FRY: variants seen among roughly 807,000 people sequenced by gnomAD.
The protein encoded by FRY is protein furry homolog.
FRY carries 128 observed loss-of-function variants against 348.4 expected under a neutral mutation model. The ratio of observed to expected loss-of-function variants is 0.37; its 90% CI spans 0.32 to 0.43. The LOEUF is 0.43. Among genes scored for constraint, FRY ranks in the 20% least tolerant of loss-of-function variants. The pLI, the probability that FRY is intolerant of heterozygous loss-of-function variation, is 1.00. For missense variants in FRY, 2,736 were observed against 3,695.2 expected (o/e 0.74, Z 6.73); for synonymous variants, 1,370 against 1,374.7 (o/e 1.00, Z 0.08).
chr13:32,161,227 T>C lies in FRY; in HGVS notation c.1868T>C (p.Leu623Pro). ...CTGCTTCCTGATGGGATGTCAAAAC[T>C]TGAACTTATTGACTTACTGGCTAGG... Reference protein sequence around the residue: ...PRLLPDGMSKLELIDLLARLS... With the variant: ...PRLLPDGMSKPELIDLLARLS... The change falls in exon 17 of 61, where the codon CTT becomes CCT. Residue 623 changes from leucine to proline, a missense_variant. Transcript: ENST00000542859. 6.2e-7 allele frequency: 1 copy of C among 1,607,974 alleles called. No homozygotes were observed. Among genetic ancestry groups the C allele is most frequent in the South Asian group, 1.1e-5 (1 of 90,968 alleles).
In FRY at chr13:32,267,303, G is replaced by C; in HGVS notation, c.8080G>C (p.Asp2694His). The C allele has an allele frequency of 6.2e-7, 1 of 1,614,182 alleles. No homozygotes were observed. Among genetic ancestry groups the C allele is most frequent in the Non-Finnish European group, 8.5e-7 (1 of 1,180,036 alleles). ...WRSHINQLMC[D>H]SDGSCAVYTF... ...CAGCCACATCAACCAGCTTATGTGTGACTCAGATGGCTCCTGTGCTGTGTA... is the reference window on the plus strand; with the variant it reads ...CAGCCACATCAACCAGCTTATGTGTCACTCAGATGGCTCCTGTGCTGTGTA... Residue 2694 changes from aspartate (D) to histidine (H), a missense_variant, in exon 55 of 61, where the codon GAC (aspartate) becomes CAC (histidine). Transcript: ENST00000542859.
intron 55 of FRY, among the ~76,000 whole-genome samples, chr13:32,270,776 GTTACAC>G (rs891787596): frequency 1.3e-5 from 2 of 152,048 alleles, no homozygotes; most frequent in Non-Finnish European, 2.9e-5. Flanking sequence ...ACTTGCATCC[GTTACAC>G]TTGTGACTCT....
intron 48 of FRY, among the ~76,000 whole-genome samples, chr13:32,248,440 G>A (rs1007349750): frequency 2.6e-5 from 4 of 152,108 alleles, no homozygotes; most frequent in Admixed American, 2.0e-4. Context: ...TAGATGACAG[G>A]TTGATGGGTG....
intron 4 of FRY, 126 bp downstream of exon 4, chr13:32,117,599 G>A (rs1878382584): frequency 1.1e-5 from 10 of 929,228 alleles, no homozygotes; most frequent in Non-Finnish European, 1.7e-5. Flanking sequence ...AGCAGGTGCT[G>A]CAGGGGCCCT....
At chr13:32,104,740 G>A (rs1207229901) in intron 3 of FRY, among the ~76,000 whole-genome samples, 2 of 152,182 alleles carry the variant, frequency 1.3e-5, no homozygotes, top group Non-Finnish European at 2.9e-5. Context: ...GGGACCCAGT[G>A]AGAGGTAATC....
chr13:32,203,626 G>A (rs1884176202), intron 31 of FRY, among the ~76,000 whole-genome samples: 2 of 152,128 alleles, frequency 1.3e-5, no homozygotes, highest in African/African-American at 4.8e-5. Context: ...AGGAGGCTGA[G>A]GTAGGAGAAT....
At position 32,176,284 on chromosome 13, in the gene FRY, A is replaced by G. The variant is rs115582830; in HGVS notation, c.2421+652A>G. Among the ~76,000 whole-genome samples the G allele has an allele frequency of 8.6e-3, 1,317 of 152,342 alleles. 22 individuals carry two copies. Among genetic ancestry groups the G allele is most frequent in the African/African-American group, 0.031 (1,269 of 41,586 alleles). ...TTAGTTATCTGACTTTTAAAAAATAAAAGTATAATAACAGGACCTGGATTA... is the reference window on the plus strand; with the variant it reads ...TTAGTTATCTGACTTTTAAAAAATAGAAGTATAATAACAGGACCTGGATTA... On this transcript the variant is annotated intron_variant, in intron 20 of 60. Transcript: ENST00000542859.
Position 32,237,592 on chromosome 13 carries a change from T to A in FRY, c.6024T>A (p.Ala2008=). 6.2e-7 allele frequency: 1 copy of A among 1,614,088 alleles called. No homozygotes were observed. The highest frequency in any genetic ancestry group is 1.1e-5 in the South Asian group (1 of 91,082). ...PRSATLDRIQ[A]CTQQGLSSKT... Reference sequence around the variant, plus strand: ...GTGCCACACTGGACAGAATTCAGGCTTGTACCCAACAAGGCCTCTCCTCAA... The same window carrying A: ...GTGCCACACTGGACAGAATTCAGGCATGTACCCAACAAGGCCTCTCCTCAA... The change falls in exon 44 of 61, where the codon GCT becomes GCA. Residue 2008 remains alanine (A), a synonymous_variant. Transcript: ENST00000542859. The surrounding 1 kb of genome is among the most constrained non-coding windows in gnomAD (Gnocchi z 6.3).
chr13:32,128,421 A>T lies in FRY; in HGVS notation c.717-3251A>T, dbSNP rs7339255. On this transcript the variant is annotated intron_variant, in intron 7 of 60. Transcript: ENST00000542859. ...TCTGGACAGTGTCCAGCAGGTGCTAACACATAGTAGGCCCCCGGTAAATTA... is the reference window on the plus strand; with the variant it reads ...TCTGGACAGTGTCCAGCAGGTGCTATCACATAGTAGGCCCCCGGTAAATTA... Among the ~76,000 whole-genome samples, 1,357 of 152,320 alleles carry T rather than the reference A, an allele frequency of 8.9e-3. 28 individuals are homozygous for T. Among genetic ancestry groups the T allele is most frequent in the African/African-American group, 0.031 (1,292 of 41,558 alleles).
chr13:32,121,248 T>C (rs1401770897), intron 4 of FRY, among the ~76,000 whole-genome samples: 2 of 152,204 alleles, frequency 1.3e-5, no homozygotes, highest in African/African-American at 2.4e-5. Context: ...GCAAGTATCT[T>C]TTTCGAATAA....
chr13:32,079,518 G>T (rs764332984), intron 2 of FRY, among the ~76,000 whole-genome samples: 1 of 152,152 alleles, frequency 6.6e-6, no homozygotes, highest in Non-Finnish European at 1.5e-5. Context: ...TTGATGAGTC[G>T]TTCAGAAATA....
intron 2 of FRY, among the ~76,000 whole-genome samples, chr13:32,080,148 T>C (rs979189859): frequency 6.6e-6 from 1 of 152,232 alleles, no homozygotes; most frequent in Non-Finnish European, 1.5e-5. Context: ...ATCCATTCTG[T>C]TCATAAAGTT....
chr13:32,278,753 G>A, intron 58 of FRY: 1 of 665,634 alleles, frequency 1.5e-6, no homozygotes, highest in Non-Finnish European at 2.8e-6. Context: ...CTTCGTTTTG[G>A]AAAAGTAGAG....
chr13:32,052,977 G>A (rs1873420747), intron 1 of FRY, among the ~76,000 whole-genome samples: 1 of 152,236 alleles, frequency 6.6e-6, no homozygotes, highest in Non-Finnish European at 1.5e-5. Flanking sequence ...AGCCAGTGTG[G>A]TGGTGTGGGC....
intron 46 of FRY, among the ~76,000 whole-genome samples, chr13:32,243,743 A>G (rs929441413): frequency 1.3e-5 from 2 of 152,118 alleles, no homozygotes; most frequent in African/African-American, 4.8e-5. Context: ...GATATAGTCT[A>G]TTTTGATAAT....
In FRY at chr13:32,237,923, C is replaced by G; in HGVS notation, c.6355C>G (p.Gln2119Glu). ...TSLTTTDLTLQLFSLLTPVSK... is the reference protein window; with the variant it reads ...TSLTTTDLTLELFSLLTPVSK... ...CCTCACCACCACAGACCTGACCCTG[C>G]AGCTCTTCAGTCTGCTGACACCAGT... The change falls in exon 44 of 61, where the codon CAG becomes GAG. Residue 2119 changes from glutamine (Q) to glutamate (E), a missense_variant. Physicochemically the swap from Gln to Glu is conservative, Grantham distance 29 (BLOSUM62 2). Transcript: ENST00000542859. This position sits in a 1 kb window ranked among gnomAD's most constrained non-coding sequence, Gnocchi z 6.3. 1 of 1,614,072 alleles carries G rather than the reference C, an allele frequency of 6.2e-7. No individual in the cohort carries two copies. Among genetic ancestry groups the G allele is most frequent in the Non-Finnish European group, 8.5e-7 (1 of 1,179,952 alleles).
Position 32,202,811 on chromosome 13 carries a change from C to G in FRY, c.4018+284C>G, listed in dbSNP as rs551006997. ...CTAAAAATACAAAAATTAGCCAGGT[C>G]TGGTGGTGTGTGCCTGTAATCCCAG... is the stretch of plus-strand genomic sequence containing the variant. On this transcript the variant is annotated intron_variant, in intron 31 of 60. Coordinates refer to ENST00000542859, the MANE Select transcript of FRY (RefSeq NM_023037.3). Among the ~76,000 whole-genome samples the G allele has an allele frequency of 2.6e-5, 4 of 151,912 alleles. No individual in the cohort carries two copies. The South Asian group carries it at 8.3e-4, about 32-fold the overall frequency.
chr13:32,272,107 A>T (rs1006065795), intron 55 of FRY, among the ~76,000 whole-genome samples: 3 of 152,220 alleles, frequency 2.0e-5, no homozygotes, highest in Admixed American at 2.0e-4. Context: ...TGCTATATGA[A>T]AGTAATACTT....
At position 32,244,122 on chromosome 13, in the gene FRY, T is replaced by C. The variant is rs1355035265; in HGVS notation, c.6768T>C (p.Ser2256=). The change falls in exon 47 of 61, where the codon TCT becomes TCC. Residue 2256 remains serine, a synonymous_variant. Coordinates refer to ENST00000542859, the MANE Select transcript of FRY (RefSeq NM_023037.3). ...GTCTTCTCAGCTACATGGACCTTTC[T>C]GTCGTTCCTGTCAAACAGTTCAATG... is the stretch of plus-strand genomic sequence containing the variant. ...IYSLLSYMDL[S]VVPVKQFNVE... 5 of 1,613,776 alleles carry C rather than the reference T, an allele frequency of 3.1e-6. No individual in the cohort carries two copies. Among genetic ancestry groups the C allele is most frequent in the Middle Eastern group, 1.6e-4 (1 of 6,084 alleles).
Sources: gnomAD v4.1 joint callset for allele counts (sites outside exome capture counted in the v4.1 genomes callset) on GRCh38, gnomAD v4.1.1 for gene constraint, Gnocchi (gnomAD v3.1) non-coding constraint, MANE v1.5 for transcripts, NCBI Gene and HGNC (gene_info 2026-07-23, HGNC 2026-07-21) for gene names.